CTNNA2: variants seen among roughly 807,000 people sequenced by gnomAD.
CTNNA2 encodes catenin alpha-2.
In CTNNA2, 42 loss-of-function variants were observed where a neutral mutation model predicts 101.0. The observed-to-expected ratio is 0.42, with a 90% CI of 0.32 to 0.54. The LOEUF (loss-of-function observed/expected upper bound fraction) is 0.54, where lower values mean the gene tolerates loss of function less well. Ranked by LOEUF, CTNNA2 falls within the 20% of genes least tolerant of loss-of-function variation. The pLI, the probability that CTNNA2 is intolerant of heterozygous loss-of-function variation, is 0.14. For synonymous variants in CTNNA2, 450 were observed against 456.4 expected (o/e 0.99, Z 0.18); for missense variants, 871 against 1,223.1 (o/e 0.71, Z 4.29).
intron 4 of CTNNA2, among the ~76,000 whole-genome samples, chr2:79,385,884 T>C (rs113038734): frequency 0.034 from 5,114 of 152,280 alleles, 268 homozygotes; most frequent in African/African-American, 0.11. Flanking sequence ...TATGGCTACA[T>C]AGTATTTCAT....
At chr2:80,109,880 C>T (rs2902110) in intron 7 of CTNNA2, among the ~76,000 whole-genome samples, 4,684 of 152,254 alleles carry the variant, frequency 0.031, 227 homozygotes, top group African/African-American at 0.11. Context: ...TAAAATCTAA[C>T]TCAAGTCATG....
At chr2:79,687,795 G>A (rs887543104) in intron 2 of CTNNA2, 94 of 467,238 alleles carry the variant, frequency 2.0e-4, no homozygotes, top group Admixed American at 1.3e-4. Flanking sequence ...AAATACAGGC[G>A]CCAAAAATGG....
chr2:79,461,413 G>T (rs1670876362), intron 4 of CTNNA2, among the ~76,000 whole-genome samples: 1 of 152,156 alleles, frequency 6.6e-6, no homozygotes, highest in Admixed American at 6.5e-5. Context: ...TTATGATGCT[G>T]CAGAATCTCA....
intron 3 of CTNNA2, among the ~76,000 whole-genome samples, chr2:79,834,414 T>G (rs1679159773): frequency 6.6e-6 from 1 of 152,174 alleles, no homozygotes; most frequent in Admixed American, 6.5e-5. Context: ...TCGTTTTCAA[T>G]GTTCTTGATG....
At chr2:80,092,083 T>TCTCTAGCAATCACGACAAATGC (rs1699825242) in intron 7 of CTNNA2, among the ~76,000 whole-genome samples, 1 of 152,086 alleles carries the variant, frequency 6.6e-6, no homozygotes, top group African/African-American at 2.4e-5. Context: ...GATGTGTGTG[T>TCTCTAGCAATCACGACAAATGC]AAATTATGGC....
chr2:80,319,634 G>C (rs1678490874), intron 7 of CTNNA2, among the ~76,000 whole-genome samples: 1 of 152,200 alleles, frequency 6.6e-6, no homozygotes, highest in African/African-American at 2.4e-5. Context: ...TGATGTGGAT[G>C]TAGTGAGACT....
chr2:79,767,929 TA>T lies in CTNNA2; in HGVS notation c.298+23348del, dbSNP rs1318065232. On this transcript the variant is annotated intron_variant, in intron 3 of 18. Coordinates refer to ENST00000402739, the MANE Select transcript of CTNNA2 (RefSeq NM_001282597.3). ...AGGAAGGGTGATGCCAGCACTCCCT[TA>T]GTCACCCCAGCTAGTATGTCAGTAT... Among the ~76,000 whole-genome samples the T allele has an allele frequency of 2.0e-5, 3 of 151,812 alleles. No homozygotes were observed. In the South Asian group the frequency reaches 6.3e-4, roughly 32 times the overall value.
chr2:80,164,499 C>G (rs896651988), intron 7 of CTNNA2, among the ~76,000 whole-genome samples: 1 of 151,998 alleles, frequency 6.6e-6, no homozygotes, highest in Non-Finnish European at 1.5e-5. Flanking sequence ...TAGAATCAAA[C>G]TAGACAGTGT....
intron 2 of CTNNA2, among the ~76,000 whole-genome samples, chr2:79,660,583 A>G (rs1681968398): frequency 6.6e-6 from 1 of 152,136 alleles, no homozygotes; most frequent in Non-Finnish European, 1.5e-5. Flanking sequence ...AAAGTAGTTA[A>G]TATATTGGAA....
At chr2:80,380,738 A>T (rs1413006108) in intron 7 of CTNNA2, among the ~76,000 whole-genome samples, 1 of 152,240 alleles carries the variant, frequency 6.6e-6, no homozygotes, top group Non-Finnish European at 1.5e-5. Context: ...TTTAGATGCC[A>T]GCATAGGAAG....
At position 79,451,307 on chromosome 2, in the gene CTNNA2, G is replaced by A. The variant is rs535849145; in HGVS notation, c.-134-53747G>A. ...TCTTACAGATCTGCAGATTCTGCTAGTTTCAAGTGATTGAGAAATTACATT... is the reference window on the plus strand; with the variant it reads ...TCTTACAGATCTGCAGATTCTGCTAATTTCAAGTGATTGAGAAATTACATT... On this transcript the variant is annotated intron_variant, in intron 4 of 21. Coordinates refer to the CTNNA2 transcript ENST00000466387. 2.0e-5 allele frequency among the ~76,000 whole-genome samples: 3 copies of A among 152,194 alleles called. No individual in the cohort carries two copies. The East Asian group carries it at 5.8e-4, about 29-fold the overall frequency.
intron 3 of CTNNA2, among the ~76,000 whole-genome samples, chr2:79,791,199 C>T (rs1337099096): frequency 6.6e-6 from 1 of 152,154 alleles, no homozygotes; most frequent in Non-Finnish European, 1.5e-5. Context: ...CATTCAAGAT[C>T]TGTTCAATGG....
At chr2:79,726,364 G>A (rs112642030) in intron 2 of CTNNA2, among the ~76,000 whole-genome samples, 8,524 of 152,244 alleles carry the variant, frequency 0.056, 323 homozygotes, top group Non-Finnish European at 0.076. Context: ...GTACCTGTCC[G>A]TGGCCTGTTA....
intron 3 of CTNNA2, among the ~76,000 whole-genome samples, chr2:79,778,668 A>G (rs1573945952): frequency 6.6e-6 from 1 of 152,310 alleles, no homozygotes; most frequent in African/African-American, 2.4e-5. Context: ...TTACTTGTTG[A>G]TATTTAAGAT....
At chr2:79,776,850 G>C (rs938197417) in intron 3 of CTNNA2, 1 of 152,168 alleles carries the variant, frequency 6.6e-6, no homozygotes, top group Non-Finnish European at 1.5e-5. Context: ...TTGCTAAAGA[G>C]CTCTGTCACA....
At chr2:79,194,869 T>C (rs539895537) in intron 1 of CTNNA2, among the ~76,000 whole-genome samples, 11 of 152,360 alleles carry the variant, frequency 7.2e-5, no homozygotes, top group African/African-American at 2.6e-4. Flanking sequence ...TCTGAAATGT[T>C]GCTTTTTTCT....
At chr2:79,355,478 A>T (rs1242184619) in intron 3 of CTNNA2, among the ~76,000 whole-genome samples, 1 of 152,152 alleles carries the variant, frequency 6.6e-6, no homozygotes, top group Admixed American at 6.5e-5. Flanking sequence ...TAACCACTTT[A>T]AAGTATACAA....
intron 7 of CTNNA2, among the ~76,000 whole-genome samples, chr2:79,931,924 C>A (rs1264054059): frequency 6.6e-6 from 1 of 152,220 alleles, no homozygotes; most frequent in Non-Finnish European, 1.5e-5. Context: ...AGTCTTACTG[C>A]CCCAAATCCC....
intron 3 of CTNNA2, among the ~76,000 whole-genome samples, chr2:79,355,985 T>C (rs1363378699): frequency 6.6e-6 from 1 of 151,978 alleles, no homozygotes; most frequent in Admixed American, 6.6e-5. Flanking sequence ...ATAAGGTAAT[T>C]CTATATATAT....
Sources: allele counts gnomAD v4.1 joint callset (sites outside exome capture counted in the v4.1 genomes callset), GRCh38; gene constraint gnomAD v4.1.1; transcripts MANE v1.5; gene names NCBI Gene and HGNC (gene_info 2026-07-23, HGNC 2026-07-21).